CPNE4: variants seen among roughly 807,000 people sequenced by gnomAD.
The protein encoded by CPNE4 is copine 4, also known as copine-4.
CPNE4 carries 25 observed loss-of-function variants against 67.9 expected under a neutral mutation model. That is an observed-to-expected ratio of 0.37 (90% CI 0.27 to 0.51). The LOEUF (loss-of-function observed/expected upper bound fraction) is 0.51. CPNE4 is among the 20% of genes least tolerant of loss of function. The pLI is 0.93. For synonymous variants in CPNE4, 242 were observed against 244.9 expected, an observed-to-expected ratio of 0.99 and a Z score of 0.11; for missense variants, 464 against 690.8, an observed-to-expected ratio of 0.67 and a Z score of 3.68.
At chr3:131,593,890 A>G (rs559692397) in intron 7 of CPNE4, among the ~76,000 whole-genome samples, 9 of 150,476 alleles carry the variant, frequency 6.0e-5, no homozygotes, top group African/African-American at 2.2e-4. Flanking sequence ...TATTATTATT[A>G]TTTTTTTTTA....
At chr3:131,729,786 A>T (rs2082085620) in intron 2 of CPNE4, among the ~76,000 whole-genome samples, 1 of 152,192 alleles carries the variant, frequency 6.6e-6, no homozygotes, top group Admixed American at 6.5e-5. Flanking sequence ...TGCCACATGG[A>T]CCAGGGGTTC....
intron 2 of CPNE4, among the ~76,000 whole-genome samples, chr3:131,833,408 T>C (rs1240988194): frequency 6.6e-6 from 1 of 152,154 alleles, no homozygotes; most frequent in Non-Finnish European, 1.5e-5. Flanking sequence ...TAAAATCTGC[T>C]TGGGGCTGGG....
At chr3:131,788,975 C>T (rs2083638027) in intron 2 of CPNE4, among the ~76,000 whole-genome samples, 1 of 150,520 alleles carries the variant, frequency 6.6e-6, no homozygotes, top group Admixed American at 6.6e-5. Flanking sequence ...ACACTGTGCA[C>T]ATATTAATGA....
At chr3:131,557,429 A>T (rs112207341) in intron 11 of CPNE4, among the ~76,000 whole-genome samples, 29 of 152,198 alleles carry the variant, frequency 1.9e-4, no homozygotes, top group African/African-American at 5.5e-4. Flanking sequence ...CTTTATCACC[A>T]CCTGACTGAT....
intron 1 of CPNE4, among the ~76,000 whole-genome samples, chr3:132,005,350 CACACACACACACACACACACACAT>C (rs1248595679): frequency 8.1e-5 from 2 of 24,732 alleles, no homozygotes; most frequent in East Asian, 1.1e-3. Context: ...TATACACACA[CACACACACACACACACACACACAT>C]ATATGTTTAT....
chr3:131,697,932 A>C (rs2081192211), intron 4 of CPNE4, among the ~76,000 whole-genome samples: 2 of 152,144 alleles, frequency 1.3e-5, no homozygotes, highest in Non-Finnish European at 2.9e-5. Flanking sequence ...GGAGCATTTA[A>C]ATACTTAAAA....
intron 2 of CPNE4, among the ~76,000 whole-genome samples, chr3:131,728,945 T>C (rs1409918958): frequency 6.8e-6 from 1 of 148,000 alleles, no homozygotes; most frequent in Non-Finnish European, 1.5e-5. Context: ...TGCGGGGCAA[T>C]GTGTCATCAA....
chr3:131,884,842 C>T (rs1016277499), intron 2 of CPNE4, among the ~76,000 whole-genome samples: 2 of 152,192 alleles, frequency 1.3e-5, no homozygotes, highest in African/African-American at 2.4e-5. Flanking sequence ...TCCTTGCCTT[C>T]TCCCACAATT....
At chr3:131,989,865 G>T (rs2073137139) in intron 1 of CPNE4, among the ~76,000 whole-genome samples, 1 of 135,968 alleles carries the variant, frequency 7.4e-6, no homozygotes, top group African/African-American at 2.5e-5. Context: ...ACCAGGGTGA[G>T]CAAGCTTATA....
chr3:131,836,131 C>T (rs536412480), intron 2 of CPNE4, among the ~76,000 whole-genome samples: 58 of 152,122 alleles, frequency 3.8e-4, no homozygotes, highest in Non-Finnish European at 7.1e-4. Context: ...GCACAAGTGG[C>T]GCAGATCAGA....
At chr3:131,722,798 C>T (rs1406261199) in intron 3 of CPNE4, among the ~76,000 whole-genome samples, 1 of 152,172 alleles carries the variant, frequency 6.6e-6, no homozygotes, top group Non-Finnish European at 1.5e-5. Flanking sequence ...AAAAGTATTA[C>T]AGAAGCAAAA....
chr3:132,039,601 A>C (rs942050279), upstream of CPNE4: 1 of 152,230 alleles, frequency 6.6e-6, no homozygotes, highest in Admixed American at 6.5e-5. Context: ...GTTGAGGACT[A>C]GACTCTGGAT....
chr3:131,698,127 C>T (rs778525163), intron 4 of CPNE4, among the ~76,000 whole-genome samples: 13 of 148,644 alleles, frequency 8.7e-5, no homozygotes, highest in South Asian at 4.3e-4. Context: ...CCCAGCTACT[C>T]GGGAGGCTGA....
chr3:131,863,138 T>G (rs2107673317), intron 2 of CPNE4, among the ~76,000 whole-genome samples: 1 of 152,338 alleles, frequency 6.6e-6, no homozygotes, highest in East Asian at 1.9e-4. Context: ...TTCCAAGTCT[T>G]TGATATTGTG....
intron 1 of CPNE4, among the ~76,000 whole-genome samples, chr3:131,955,495 G>C (rs545598802): frequency 7.8e-6 from 1 of 129,022 alleles, no homozygotes; most frequent in South Asian, 2.5e-4. Flanking sequence ...CTGACCTGCT[G>C]AATCTCCCCT....
chr3:131,725,211 A>C (rs1422731251), intron 2 of CPNE4, among the ~76,000 whole-genome samples: 1 of 152,174 alleles, frequency 6.6e-6, no homozygotes, highest in East Asian at 1.9e-4. Context: ...AGAAAATCTG[A>C]TATTTGTTCT....
chr3:132,024,333 C>T, intron 1 of CPNE4, among the ~76,000 whole-genome samples: 1 of 152,138 alleles, frequency 6.6e-6, no homozygotes, highest in East Asian at 1.9e-4. Context: ...ATCTGCCCAC[C>T]TTGACCTCCC....
chr3:131,862,746 T>C (rs2086743011), intron 2 of CPNE4, among the ~76,000 whole-genome samples: 1 of 151,946 alleles, frequency 6.6e-6, no homozygotes, highest in African/African-American at 2.4e-5. Flanking sequence ...TTAAGGTACA[T>C]GTACACAACG....
chr3:131,572,286 T>C (rs1937377839), intron 10 of CPNE4, among the ~76,000 whole-genome samples: 1 of 151,894 alleles, frequency 6.6e-6, no homozygotes, highest in Non-Finnish European at 1.5e-5. Context: ...TTCACAAACA[T>C]GTGGAAAAGG....
Sources: allele counts gnomAD v4.1 joint callset (sites outside exome capture counted in the v4.1 genomes callset), GRCh38; gene constraint gnomAD v4.1.1; transcripts MANE v1.5; gene names NCBI Gene and HGNC (gene_info 2026-07-23, HGNC 2026-07-21).